XYLB: variants seen among roughly 807,000 people sequenced by gnomAD.
XYLB encodes the protein xylulokinase.
XYLB carries 62 observed loss-of-function variants against 78.7 expected under a neutral mutation model. The observed-to-expected ratio is 0.79, with a 90% confidence interval of 0.64 to 0.97. The LOEUF (loss-of-function observed/expected upper bound fraction) is 0.97. XYLB is among the 50% of genes least tolerant of loss of function. XYLB has a pLI of 0.00. For synonymous variants in XYLB, 245 were observed against 247.4 expected (o/e 0.99, Z 0.09); for missense variants, 687 against 676.8 (o/e 1.02, Z -0.17).
At chr3:38,371,891 G>A (rs1412452118) in intron 9 of XYLB, among the ~76,000 whole-genome samples, 2 of 152,168 alleles carry the variant, frequency 1.3e-5, no homozygotes, top group Non-Finnish European at 2.9e-5. Context: ...CAGAGAAAGG[G>A]CAGACAGAAA....
intron 15 of XYLB, among the ~76,000 whole-genome samples, chr3:38,393,363 C>G (rs944118992): frequency 2.0e-5 from 3 of 152,138 alleles, no homozygotes; most frequent in African/African-American, 7.2e-5. Flanking sequence ...CCAGGCTGGT[C>G]TCAAAGTCCT....
At chr3:38,370,772 A>T (rs73825545) in intron 9 of XYLB, among the ~76,000 whole-genome samples, 104 of 152,330 alleles carry the variant, frequency 6.8e-4, no homozygotes, top group African/African-American at 2.5e-3. Flanking sequence ...AAAAACATTT[A>T]CCCATCACAG....
At chr3:38,359,430 AGGCCTGTTTATGACAGGCTTAG>A (rs984782493) in intron 2 of XYLB, among the ~76,000 whole-genome samples, 68 of 152,334 alleles carry the variant, frequency 4.5e-4, no homozygotes, top group African/African-American at 1.4e-3. Context: ...AGTTTCTTTA[AGGCCTGTTTATGACAGGCTTAG>A]GGCCTGTTCC....
the XYLB span, among the ~76,000 whole-genome samples, chr3:38,441,452 A>G: frequency 6.6e-6 from 1 of 152,238 alleles, no homozygotes; most frequent in African/African-American, 2.4e-5. Flanking sequence ...GGTCAGGATT[A>G]GCTAAGGGGA....
the XYLB span, among the ~76,000 whole-genome samples, chr3:38,433,107 A>C: frequency 6.6e-6 from 1 of 152,204 alleles, no homozygotes; most frequent in African/African-American, 2.4e-5. Flanking sequence ...AGATTCCCAA[A>C]CCTCAATTCT....
At chr3:38,415,004 C>T (rs758361975), downstream of XYLB, 9 of 152,200 alleles carry the variant, frequency 5.9e-5, no homozygotes, top group Non-Finnish European at 1.2e-4. Flanking sequence ...TAAACTTTAT[C>T]TTGAAAGGGT....
At chr3:38,444,855 A>G in the XYLB span, among the ~76,000 whole-genome samples, 3 of 150,424 alleles carry the variant, frequency 2.0e-5, no homozygotes, top group Non-Finnish European at 4.4e-5. Flanking sequence ...CCTGCTGATC[A>G]GAATAGTTGT....
In XYLB at chr3:38,354,228, T is replaced by C. The variant is rs9880392; in HGVS notation, c.140+5596T>C. Among the ~76,000 whole-genome samples the C allele has an allele frequency of 2.5e-3, 375 of 152,010 alleles. 1 individual carries two copies. Among genetic ancestry groups the C allele is most frequent in the African/African-American group, 8.8e-3 (366 of 41,504 alleles). ...AATTGGGATTACAGGCGCCCGCCAC[T>C]GGCTAATTTTTGTATTTTTAGTAGA... On this transcript the variant is annotated intron_variant, in intron 2 of 18. Transcript: ENST00000207870.
downstream of XYLB, chr3:38,421,383 A>G: frequency 6.6e-6 from 1 of 152,396 alleles, no homozygotes; most frequent in Non-Finnish European, 1.5e-5. Flanking sequence ...TAAGAAGGGG[A>G]GCTCAGAAGC....
chr3:38,374,445 T>C lies in XYLB; in HGVS notation c.848-17T>C, dbSNP rs1706740422. The stretch of plus-strand genomic sequence containing the variant: ...ATGTGGCCGCCAGCTAACCAGAAGC[T>C]CCCCTCCCATTCTCAGCGTCGCTGG... On this transcript the variant is annotated splice_polypyrimidine_tract_variant and intron_variant, in intron 10 of 18. Transcript: ENST00000207870. 1 of 1,613,784 alleles carries C rather than the reference T, an allele frequency of 6.2e-7. No homozygotes were observed. Among genetic ancestry groups the C allele is most frequent in the Non-Finnish European group, 8.5e-7 (1 of 1,179,924 alleles).
At chr3:38,355,701 C>T (rs1705608623) in intron 2 of XYLB, 1 of 703,280 alleles carries the variant, frequency 1.4e-6, no homozygotes, top group Non-Finnish European at 2.6e-6. Context: ...AAACCTCCTT[C>T]TCTGACTTTT....
chr3:38,388,800 G>T (rs1302081313), intron 15 of XYLB, among the ~76,000 whole-genome samples: 1 of 152,000 alleles, frequency 6.6e-6, no homozygotes, highest in Non-Finnish European at 1.5e-5. Context: ...TTTAATTAGG[G>T]CTTAAAATGT....
intron 2 of XYLB, among the ~76,000 whole-genome samples, chr3:38,352,943 G>T (rs1705447158): frequency 6.6e-6 from 1 of 152,230 alleles, no homozygotes; most frequent in Admixed American, 6.5e-5. Flanking sequence ...ATGTTAGCCA[G>T]GATGGTCTCG....
At chr3:38,436,943 G>T in the XYLB span, among the ~76,000 whole-genome samples, 16 of 151,414 alleles carry the variant, frequency 1.1e-4, no homozygotes, top group East Asian at 2.9e-3. Flanking sequence ...GATGGAGGTT[G>T]CAGTGAGCTG....
the XYLB span, among the ~76,000 whole-genome samples, chr3:38,432,597 G>T: frequency 2.0e-5 from 3 of 152,042 alleles, no homozygotes; most frequent in Non-Finnish European, 2.9e-5. Context: ...TACAATAGAG[G>T]TACAGGCATT....
At chr3:38,351,153 C>T (rs892169127) in intron 2 of XYLB, among the ~76,000 whole-genome samples, 56 of 74,966 alleles carry the variant, frequency 7.5e-4, no homozygotes, top group Admixed American at 4.6e-3. Flanking sequence ...GCCTGGACAA[C>T]AGAGGGAGAG....
rs943250479 is a variant in XYLB, at chr3:38,370,157, C to A, written c.748C>A (p.Pro250Thr). Reference sequence around the variant, plus strand: ...AGAGGAGAAGCTTAGCCCACCAGTACCATCATGCTCAGTTGTGGTAGGTCT... The same window carrying A: ...AGAGGAGAAGCTTAGCCCACCAGTAACATCATGCTCAGTTGTGGTAGGTCT... ...HLEEKLSPPV[P>T]SCSVVGAISS... The change falls in exon 9 of 19, where the codon CCA becomes ACA. Residue 250 changes from proline to threonine, a missense_variant. Transcript: ENST00000207870. The A allele has an allele frequency of 6.2e-7, 1 of 1,613,796 alleles. No individual in the cohort carries two copies. The highest frequency in any genetic ancestry group is 1.1e-5 in the South Asian group (1 of 91,064).
chr3:38,385,657 C>T (rs769091114), intron 15 of XYLB, among the ~76,000 whole-genome samples: 1 of 152,154 alleles, frequency 6.6e-6, no homozygotes, highest in Non-Finnish European at 1.5e-5. Context: ...CAAACTGGCC[C>T]CTCGTCCTTT....
Position 38,401,781 on chromosome 3 carries a change from T to C in XYLB, c.1533+796T>C, listed in dbSNP as rs1033649530. 2.6e-5 allele frequency among the ~76,000 whole-genome samples: 4 copies of C among 152,128 alleles called. No homozygotes were observed. In the East Asian group the frequency reaches 7.7e-4, roughly 29 times the overall value. On this transcript the variant is annotated intron_variant, in intron 18 of 18. Coordinates refer to ENST00000207870, the MANE Select transcript of XYLB (RefSeq NM_005108.4). ...ACAGCACTCCCATCAGTTGGGAGAA[T>C]AAGTTCTTCATTCCCGAGGTGAATC...
Sources: gnomAD v4.1 joint callset for allele counts (sites outside exome capture counted in the v4.1 genomes callset) on GRCh38, gnomAD v4.1.1 for gene constraint, MANE v1.5 for transcripts, NCBI Gene and HGNC (gene_info 2026-07-23, HGNC 2026-07-21) for gene names.